CLCN6: variants seen among roughly 807,000 people sequenced by gnomAD.
CLCN6 encodes H(+)/Cl(-) exchange transporter 6.
Under a neutral mutation model 109.8 loss-of-function variants are expected in CLCN6, and 70 were observed. The ratio of observed to expected loss-of-function variants is 0.64; its 90% CI spans 0.53 to 0.78. The LOEUF is 0.78. CLCN6 is among the 30% of genes least tolerant of loss of function. The pLI, the probability that CLCN6 is intolerant of heterozygous loss-of-function variation, is 0.00. For missense variants in CLCN6, 984 were observed against 1,142.3 expected (o/e 0.86, Z 2.00); for synonymous variants, 444 against 447.8 (o/e 0.99, Z 0.11).
intron 6 of CLCN6, 21 bp downstream of exon 6, chr1:11,822,822 C>T (rs1431450709): frequency 6.6e-7 from 1 of 1,515,980 alleles, no homozygotes; most frequent in Middle Eastern, 1.7e-4. Context: ...TTGGATTCAC[C>T]TGCTCGCTTA....
chr1:11,827,269 A>C, intron 10 of CLCN6, 48 bp downstream of exon 10: 1 of 1,579,226 alleles, frequency 6.3e-7, no homozygotes, highest in Non-Finnish European at 8.6e-7. Flanking sequence ...CCCGAATTAC[A>C]CTGGGTGTCC....
intron 21 of CLCN6, 41 bp from the exon 22 acceptor site, chr1:11,838,494 T>C (rs1644978288): frequency 1.2e-6 from 2 of 1,607,096 alleles, no homozygotes; most frequent in Middle Eastern, 3.3e-4. Context: ...CTTCATGCCG[T>C]TGGCGTCTCA....
chr1:11,836,708 C>G (rs915808230), intron 18 of CLCN6, among the ~76,000 whole-genome samples: 3 of 152,154 alleles, frequency 2.0e-5, no homozygotes, highest in African/African-American at 7.2e-5. Flanking sequence ...TGGGGGCAGG[C>G]ACGTTGATTG....
chr1:11,820,582 C>A (rs901069618), intron 5 of CLCN6: 14 of 466,070 alleles, frequency 3.0e-5, no homozygotes, highest in African/African-American at 2.6e-4. Flanking sequence ...CTGGCTAACA[C>A]GGTGAAACCC....
chr1:11,819,432 ATACTT>A, intron 4 of CLCN6, 51 bp from the exon 5 acceptor site: 1 of 1,513,548 alleles, frequency 6.6e-7, no homozygotes, highest in Non-Finnish European at 9.2e-7. Context: ...CACCTGTACT[ATACTT>A]GTGCTACACT....
Position 11,828,573 on chromosome 1 carries a change from G to C in CLCN6, c.1070G>C (p.Arg357Thr). The C allele has an allele frequency of 6.2e-7, 1 of 1,614,134 alleles. No homozygotes were observed. The highest frequency in any genetic ancestry group is 1.1e-5 in the South Asian group (1 of 91,076). ...GCCACATTCAACTGTCTGAACAAGA[G>C]GCTTGCAAAGTACCGTATGCGAAAC... ...LGATFNCLNK[R>T]LAKYRMRNVH... is the part of the protein sequence containing the mutation. Residue 357 changes from arginine to threonine, a missense_variant, in exon 12 of 23, where the codon AGG becomes ACG. Coordinates refer to ENST00000346436, the MANE Select transcript of CLCN6 (RefSeq NM_001286.5).
chr1:11,831,725 C>A (rs879303060), intron 13 of CLCN6, among the ~76,000 whole-genome samples: 27 of 152,054 alleles, frequency 1.8e-4, no homozygotes, highest in Non-Finnish European at 2.4e-4. Context: ...ACTCTGTCAC[C>A]CAGGCTGGAG....
At chr1:11,810,484 G>A (rs1192025502) in intron 2 of CLCN6, among the ~76,000 whole-genome samples, 1 of 152,184 alleles carries the variant, frequency 6.6e-6, no homozygotes, top group African/African-American at 2.4e-5. Context: ...TGGTTTTGGT[G>A]TGAACACTAA....
chr1:11,807,812 C>T (rs1644540391), intron 2 of CLCN6, among the ~76,000 whole-genome samples: 1 of 152,198 alleles, frequency 6.6e-6, no homozygotes, highest in African/African-American at 2.4e-5. Context: ...TATCTTTCTA[C>T]ATCCTTACCC....
rs1261671321 is a variant in CLCN6, at chr1:11,837,435, T to C, written c.2231T>C (p.Leu744Pro). Residue 744 changes from leucine to proline, a missense_variant, in exon 20 of 23, where the codon CTG becomes CCG. Leu to Pro is a moderately conservative substitution (Grantham distance 98, BLOSUM62 -3). Transcript: ENST00000346436. ...ERFRPLTFHGLILRSQLVTLL... is the reference protein window; with the variant it reads ...ERFRPLTFHGPILRSQLVTLL... ...TTCCGCCCTCTGACCTTCCACGGCC[T>C]GATCCTTCGGTCGCAGCTTGTCACC... 6.2e-7 allele frequency: 1 copy of C among 1,614,188 alleles called. No individual in the cohort carries two copies. Among genetic ancestry groups the C allele is most frequent in the Non-Finnish European group, 8.5e-7 (1 of 1,179,998 alleles).
Position 11,817,674 on chromosome 1 carries a change from C to G in CLCN6, c.279+994C>G, listed in dbSNP as rs185355087. The stretch of plus-strand genomic sequence containing the variant: ...TCAGTACAGTGTTGGGATAGGGTAT[C>G]TGTCCTCAGTAACAGCCTGTTGACC... On this transcript the variant is annotated intron_variant, in intron 4 of 22. Transcript: ENST00000346436. Among the ~76,000 whole-genome samples the G allele has an allele frequency of 2.1e-3, 326 of 152,342 alleles. 1 individual carries two copies. Among genetic ancestry groups the G allele is most frequent in the South Asian group, 5.6e-3 (27 of 4,824 alleles).
intron 2 of CLCN6, among the ~76,000 whole-genome samples, chr1:11,807,884 A>G (rs1197098804): frequency 2.0e-5 from 3 of 152,190 alleles, no homozygotes; most frequent in Non-Finnish European, 4.4e-5. Context: ...CCACTAAATC[A>G]TCTATTTTAA....
intron 11 of CLCN6, 101 bp downstream of exon 11, chr1:11,828,320 T>G: frequency 7.0e-7 from 1 of 1,431,926 alleles, no homozygotes; most frequent in Non-Finnish European, 9.8e-7. Flanking sequence ...AGGTACAACT[T>G]CCAGGGACAC....
chr1:11,814,384 G>T (rs1220524385), intron 2 of CLCN6, among the ~76,000 whole-genome samples: 1 of 151,834 alleles, frequency 6.6e-6, no homozygotes, highest in Non-Finnish European at 1.5e-5. Flanking sequence ...CGAGTAGCTG[G>T]GATTACAGGC....
In CLCN6 at chr1:11,840,236, C is replaced by A; in HGVS notation, c.*13C>A. On this transcript the variant is annotated 3_prime_UTR_variant, in exon 23 of 23. Transcript: ENST00000346436. ...CCAGACCATCTGACAGCCCAGCCCA[C>A]CCTCTCCTGGTGCTGCCTGGGGAGG... is the stretch of plus-strand genomic sequence containing the variant. The A allele has an allele frequency of 6.2e-7, 1 of 1,609,290 alleles. No homozygotes were observed. Among genetic ancestry groups the A allele is most frequent in the Non-Finnish European group, 8.5e-7 (1 of 1,178,042 alleles).
chr1:11,806,247 G>A lies in CLCN6; in HGVS notation c.-16G>A. ...GGGGTTGGTAGAGGGGTCCAGAGTGGCAGTAAAGGAGGAAGATGGCGGGGT... is the reference window on the plus strand; with the variant it reads ...GGGGTTGGTAGAGGGGTCCAGAGTGACAGTAAAGGAGGAAGATGGCGGGGT... On this transcript the variant is annotated 5_prime_UTR_variant, in exon 1 of 23. Transcript: ENST00000346436. 6.9e-7 allele frequency: 1 copy of A among 1,449,404 alleles called. No individual in the cohort carries two copies. Among genetic ancestry groups the A allele is most frequent in the Non-Finnish European group, 9.1e-7 (1 of 1,102,704 alleles). The allele number at this position is 1,449,404 out of a possible 1,614,324, so 89.8% of individuals were successfully genotyped here.
chr1:11,807,114 CG>C lies in CLCN6; in HGVS notation c.88-15del. On this transcript the variant is annotated splice_polypyrimidine_tract_variant and intron_variant, in intron 1 of 22. Transcript: ENST00000346436. ...TAACCACTAAAAAAGGCTCCCTCTG[CG>C]GATCTGTTTTTCTAGACCATCCTTG... 1.2e-6 allele frequency: 2 copies of C among 1,613,058 alleles called. No homozygotes were observed. Among genetic ancestry groups the C allele is most frequent in the Non-Finnish European group, 1.7e-6 (2 of 1,179,034 alleles).
chr1:11,815,788 C>G, intron 2 of CLCN6, 58 bp from the exon 3 acceptor site: 1 of 1,339,556 alleles, frequency 7.5e-7, no homozygotes, highest in Non-Finnish European at 1.1e-6. Context: ...AGAGGTTTGT[C>G]CCTTTGCAGG....
At chr1:11,826,637 T>A (rs2100638481) in intron 9 of CLCN6, among the ~76,000 whole-genome samples, 1 of 152,340 alleles carries the variant, frequency 6.6e-6, no homozygotes, top group Non-Finnish European at 1.5e-5. Context: ...GCTCTTTCAA[T>A]CAGAGACTCA....
Sources: allele counts gnomAD v4.1 joint callset (sites outside exome capture counted in the v4.1 genomes callset), GRCh38; gene constraint gnomAD v4.1.1; transcripts MANE v1.5; gene names NCBI Gene and HGNC (gene_info 2026-07-23, HGNC 2026-07-21).